MLIP: variants seen among roughly 807,000 people sequenced by gnomAD.
The protein encoded by MLIP is muscular LMNA interacting protein, also known as muscular LMNA-interacting protein.
A neutral mutation model predicts 84.8 loss-of-function variants in MLIP; 79 were observed. The ratio of observed to expected loss-of-function variants is 0.93; its 90% CI spans 0.78 to 1.12. MLIP has a LOEUF of 1.12. MLIP is among the 50% of genes most tolerant of loss of function. The pLI, the probability that MLIP is intolerant of heterozygous loss-of-function variation, is 0.00. For missense variants in MLIP, 1,257 were observed against 1,160.6 expected (o/e 1.08, Z -1.21); for synonymous variants, 504 against 463.0 (o/e 1.09, Z -1.14).
intron 1 of MLIP, chr6:54,083,733 T>G (rs1253217067): frequency 4.2e-6 from 5 of 1,180,482 alleles, no homozygotes; most frequent in Non-Finnish European, 6.0e-6. Context: ...GCAGTAGTTA[T>G]GTTTTAGGTG....
At chr6:54,190,896 C>A (rs972173395) in intron 10 of MLIP, among the ~76,000 whole-genome samples, 3 of 151,254 alleles carry the variant, frequency 2.0e-5, no homozygotes, top group South Asian at 4.2e-4. Flanking sequence ...CCCGGGTTCA[C>A]GCCATTCTCC....
At chr6:54,140,424 A>C (rs1400422707) in intron 4 of MLIP, among the ~76,000 whole-genome samples, 1 of 152,200 alleles carries the variant, frequency 6.6e-6, no homozygotes, top group East Asian at 1.9e-4. Flanking sequence ...AGAATTTCCA[A>C]GTAAAGAAAA....
chr6:54,033,756 G>A (rs748405879), intron 1 of MLIP, among the ~76,000 whole-genome samples: 10 of 151,908 alleles, frequency 6.6e-5, no homozygotes, highest in Admixed American at 2.0e-4. Context: ...TACATACTTT[G>A]TATTTACCCC....
rs373030247 is a variant in MLIP at position 54,195,921 on chromosome 6, A to G, written c.2589+6007A>G. Among the ~76,000 whole-genome samples the G allele has an allele frequency of 2.1e-3, 313 of 152,288 alleles. 2 individuals are homozygous for G. The highest frequency in any genetic ancestry group is 7.2e-3 in the African/African-American group (298 of 41,578). On this transcript the variant is annotated intron_variant, in intron 10 of 13. Coordinates refer to ENST00000502396, the MANE Select transcript of MLIP (RefSeq NM_001281747.2). ...GGAGAAAAACAACAATTTATTTTAA[A>G]TGAAGAAGATTAAAATCGTGTAAAG...
rs186218656 is a variant in MLIP, at chr6:54,201,210, T to A, written c.2590-895T>A. ...GTCAAATCGACACTGGGTACAAGCT[T>A]AAGAATCTCGAGTGACTGATGTATT... On this transcript the variant is annotated intron_variant, in intron 10 of 13. Coordinates refer to ENST00000502396, the MANE Select transcript of MLIP (RefSeq NM_001281747.2). 2.0e-5 allele frequency among the ~76,000 whole-genome samples: 3 copies of A among 152,334 alleles called. No individual in the cohort carries two copies. The East Asian group carries it at 5.8e-4, about 29-fold the overall frequency.
Position 54,136,996 on chromosome 6 carries a change from T to C in MLIP, c.927T>C (p.Asn309=). The C allele has an allele frequency of 6.5e-7, 1 of 1,536,026 alleles. No individual in the cohort carries two copies. Among genetic ancestry groups the C allele is most frequent in the Non-Finnish European group, 8.7e-7 (1 of 1,146,868 alleles). ...ATTCCACTCAACTATCAGGTTCTAA[T>C]TTACCCAGTTCAACTGCAGCAGATC... ...FPHSTQLSGS[N]LPSSTAADPK... Residue 309 remains asparagine (N), a synonymous_variant, in exon 4 of 14, where the codon AAT becomes AAC. Coordinates refer to ENST00000502396, the MANE Select transcript of MLIP (RefSeq NM_001281747.2).
intron 9 of MLIP, among the ~76,000 whole-genome samples, chr6:54,170,293 C>G (rs1331808319): frequency 2.0e-5 from 3 of 151,650 alleles, no homozygotes; most frequent in Admixed American, 1.3e-4. Context: ...TTAAGTTACA[C>G]ATTTGTAGTT....
intron 3 of MLIP, among the ~76,000 whole-genome samples, chr6:54,131,634 G>A (rs549966332): frequency 1.6e-4 from 24 of 152,204 alleles, no homozygotes; most frequent in Admixed American, 7.2e-4. Flanking sequence ...GAAACTCAGT[G>A]CAGTGATTAT....
chr6:54,042,451 G>A (rs1764799697), intron 1 of MLIP, among the ~76,000 whole-genome samples: 1 of 152,000 alleles, frequency 6.6e-6, no homozygotes, highest in South Asian at 2.1e-4. Flanking sequence ...TGAGTTTTCA[G>A]CTTGTTTCCC....
At chr6:54,232,962 C>G (rs1463371365) in intron 12 of MLIP, among the ~76,000 whole-genome samples, 1 of 152,162 alleles carries the variant, frequency 6.6e-6, no homozygotes, top group Non-Finnish European at 1.5e-5. Context: ...GTGCACTCTT[C>G]TCTTCTAAGT....
chr6:54,133,235 A>G (rs1021427720), intron 3 of MLIP, among the ~76,000 whole-genome samples: 6 of 152,208 alleles, frequency 3.9e-5, no homozygotes, highest in African/African-American at 1.2e-4. Context: ...TAAAAGTTCA[A>G]TCTGGTGATA....
chr6:54,230,837 C>T lies in MLIP; in HGVS notation c.2842C>T (p.Pro948Ser), dbSNP rs376952554. 2 of 1,613,906 alleles carry T rather than the reference C, an allele frequency of 1.2e-6. No homozygotes were observed. Among genetic ancestry groups the T allele is most frequent in the African/African-American group, 2.7e-5 (2 of 74,890 alleles). ...LSHADCLAPG[P>S]FSHLSFSLSD... The stretch of plus-strand genomic sequence containing the variant: ...ACATGCTGACTGTCTTGCCCCAGGA[C>T]CCTTCAGTCATCTGTCCTTCTCCTT... Residue 948 changes from proline (P) to serine (S), a missense_variant, in exon 12 of 14, where the codon CCC (proline) becomes TCC (serine). Transcript: ENST00000502396.
chr6:54,232,451 T>A (rs1332486207), intron 12 of MLIP, among the ~76,000 whole-genome samples: 1 of 152,174 alleles, frequency 6.6e-6, no homozygotes, highest in Non-Finnish European at 1.5e-5. Context: ...ATCCTCATAA[T>A]AGATTTTGTC....
At chr6:54,088,436 G>A (rs1478890621) in intron 1 of MLIP, among the ~76,000 whole-genome samples, 1 of 152,046 alleles carries the variant, frequency 6.6e-6, no homozygotes, top group Non-Finnish European at 1.5e-5. Context: ...GAGTGTGGCC[G>A]GCCACAAAGA....
At chr6:54,265,919 A>T in intron 13 of MLIP, 31 bp from the exon 14 acceptor site, 1 of 1,602,648 alleles carries the variant, frequency 6.2e-7, no homozygotes. Flanking sequence ...TATTCATCTT[A>T]ACCTGACTAC....
At chr6:54,029,624 C>G (rs952293093) in intron 1 of MLIP, among the ~76,000 whole-genome samples, 5 of 151,998 alleles carry the variant, frequency 3.3e-5, no homozygotes, top group Non-Finnish European at 5.9e-5. Context: ...CATTTTAAAC[C>G]CAGCAACTTT....
At chr6:54,115,799 A>C (rs1582178515) in intron 1 of MLIP, among the ~76,000 whole-genome samples, 1 of 152,308 alleles carries the variant, frequency 6.6e-6, no homozygotes. Context: ...GGAAGCAGTA[A>C]AGATAAGCAA....
chr6:54,042,245 C>T (rs929477388), intron 1 of MLIP, among the ~76,000 whole-genome samples: 2 of 152,040 alleles, frequency 1.3e-5, no homozygotes, highest in African/African-American at 4.8e-5. Flanking sequence ...TAAATGTTGT[C>T]TGGACTAAGT....
chr6:54,159,827 C>G (rs1774427316), intron 5 of MLIP, among the ~76,000 whole-genome samples: 1 of 152,008 alleles, frequency 6.6e-6, no homozygotes, highest in Non-Finnish European at 1.5e-5. Flanking sequence ...GAGATTTTGG[C>G]TAGTTCCCAT....
Sources: allele counts gnomAD v4.1 joint callset (sites outside exome capture counted in the v4.1 genomes callset), GRCh38; gene constraint gnomAD v4.1.1; transcripts MANE v1.5; gene names NCBI Gene and HGNC (gene_info 2026-07-23, HGNC 2026-07-21).